Variants in PARP10 observed in about 807,000 individuals in gnomAD.
PARP10 encodes protein mono-ADP-ribosyltransferase PARP10.
In PARP10, 56 loss-of-function variants were observed where a neutral mutation model predicts 82.4. The ratio of observed to expected loss-of-function variants is 0.68; its 90% CI spans 0.55 to 0.85. PARP10 has a LOEUF of 0.85. Ranked by LOEUF, PARP10 falls within the 40% of genes least tolerant of loss-of-function variation. The pLI is 0.00. For missense variants in PARP10, 1,227 were observed against 1,379.4 expected (o/e 0.89, Z 1.75); for synonymous variants, 576 against 601.1 (o/e 0.96, Z 0.61).
At chr8:143,989,047 C>G (rs1021604045), upstream of PARP10, 1 of 152,304 alleles carries the variant, frequency 6.6e-6, no homozygotes, top group Admixed American at 6.5e-5. The surrounding 1 kb of genome is among the most constrained non-coding windows in gnomAD (Gnocchi z 4.3). Flanking sequence ...ATTCACACCA[C>G]GCGCATGTGC....
chr8:143,985,921 C>A lies in PARP10; in HGVS notation c.236G>T (p.Ser79Ile). Residue 79 changes from serine (S) to isoleucine (I), a missense_variant, in exon 3 of 11, where the codon AGC becomes ATC. Transcript: ENST00000313028. ...GGCTCGTGGTGGAGCTGGCCGCAGG[C>A]TCAGCTGGGCACCATGTAGTTCGTG... ...ADHELHGAQLSLRPAPPRAPA... is the reference protein window; with the variant it reads ...ADHELHGAQLILRPAPPRAPA... 2 of 1,578,854 alleles carry A rather than the reference C, an allele frequency of 1.3e-6. No individual in the cohort carries two copies. The highest frequency in any genetic ancestry group is 1.3e-5 in the African/African-American group (1 of 74,344).
intron 1 of PARP10, among the ~76,000 whole-genome samples, chr8:143,996,187 A>G (rs555869340): frequency 6.6e-6 from 1 of 152,358 alleles, no homozygotes; most frequent in Non-Finnish European, 1.5e-5. Context: ...GGGGCTTCAC[A>G]AGGAGCACTG....
At chr8:143,984,175 GA>G in intron 6 of PARP10, 34 bp downstream of exon 6, 2 of 1,568,416 alleles carry the variant, frequency 1.3e-6, no homozygotes, top group Non-Finnish European at 1.7e-6. Flanking sequence ...AGAGGCGTGA[GA>G]AAGGGGAGGG....
chr8:143,980,774 T>C (rs1833833272), intron 9 of PARP10, among the ~76,000 whole-genome samples: 1 of 152,120 alleles, frequency 6.6e-6, no homozygotes, highest in African/African-American at 2.4e-5. Flanking sequence ...CTAGAACATC[T>C]TTTTTACAGA....
chr8:143,978,021 G>A lies in PARP10; in HGVS notation c.2617C>T (p.Leu873=). The A allele has an allele frequency of 1.1e-5, 18 of 1,584,934 alleles. No homozygotes were observed. Among genetic ancestry groups the A allele is most frequent in the Non-Finnish European group, 1.5e-5 (18 of 1,172,076 alleles). The change falls in exon 10 of 11, where the codon CTG becomes TTG. Residue 873 remains leucine (L), a synonymous_variant. Transcript: ENST00000313028. ...ACCGGGCGCCGCTCGCATCGCTGCA[G>A]CAGGCGCTCCCGGTACAGCTCATAC... The part of the protein sequence containing the change: ...QQYELYRERL[L]QRCERRPVEQ...
chr8:144,004,505 C>T (rs1411281407), intron 1 of PARP10, among the ~76,000 whole-genome samples: 1 of 152,174 alleles, frequency 6.6e-6, no homozygotes, highest in Non-Finnish European at 1.5e-5. Context: ...GAAGTAGCCC[C>T]ACCTCCCGGT....
Position 143,985,078 on chromosome 8 carries a change from CAGAG to C in PARP10, c.920_923del (p.Ser307Ter). ...TACCCTGCACCATGGGACCTGTCCT[CAGAG>C]AGGCCCCTGACTGCCCTGGTTCCTC... On this transcript the variant is annotated frameshift_variant, in exon 5 of 11. Transcript: ENST00000313028. LOFTEE classifies it high-confidence loss of function. The C allele has an allele frequency of 5.6e-6, 9 of 1,613,950 alleles. No homozygotes were observed. Among genetic ancestry groups the C allele is most frequent in the Non-Finnish European group, 7.6e-6 (9 of 1,179,976 alleles).
upstream of PARP10, chr8:143,992,129 C>A (rs782309962): frequency 6.2e-7 from 1 of 1,602,472 alleles, no homozygotes; most frequent in South Asian, 1.1e-5. Context: ...TGCAGTCCCA[C>A]ACGCCCACTC....
chr8:144,006,341 T>C (rs1554752079), intron 1 of PARP10, among the ~76,000 whole-genome samples: 1 of 152,250 alleles, frequency 6.6e-6, no homozygotes, highest in African/African-American at 2.4e-5. Flanking sequence ...GGAGGGACGT[T>C]ATCCCCACTC....
upstream of PARP10, chr8:143,993,257 A>G (rs1178802028): frequency 1.4e-5 from 2 of 146,228 alleles, no homozygotes; most frequent in Admixed American, 7.6e-5. Flanking sequence ...CCTCCCCCCC[A>G]CCCCCCTGGA....
At position 143,986,241 on chromosome 8, in the gene PARP10, G is replaced by T. The variant is rs371928553; in HGVS notation, c.3-8C>A. 2.5e-6 allele frequency: 4 copies of T among 1,613,700 alleles called. No individual in the cohort carries two copies. In the African/African-American group the frequency reaches 4.0e-5, roughly 16 times the overall value. ...GCCTCCGCCATTGCAACCCTGGGAC[G>T]GGGCATCAGGTGGGTAGGGAAACAG... On this transcript the variant is annotated splice_region_variant and splice_polypyrimidine_tract_variant and intron_variant, in intron 1 of 10. Coordinates refer to ENST00000313028, the MANE Select transcript of PARP10 (RefSeq NM_032789.5).
chr8:143,992,131 C>A (rs756808596), upstream of PARP10: 1 of 1,599,628 alleles, frequency 6.3e-7, no homozygotes, highest in Non-Finnish European at 8.6e-7. Flanking sequence ...CAGTCCCACA[C>A]GCCCACTCTT....
chr8:143,995,648 G>A (rs1587471922), upstream of PARP10, among the ~76,000 whole-genome samples: 4 of 152,260 alleles, frequency 2.6e-5, no homozygotes, highest in Middle Eastern at 0.014. Flanking sequence ...GTAGGCCTCA[G>A]TGTTGCTAGG....
At chr8:143,982,124 G>A (rs1050362491) in intron 9 of PARP10, among the ~76,000 whole-genome samples, 2 of 152,124 alleles carry the variant, frequency 1.3e-5, no homozygotes, top group African/African-American at 4.8e-5. Flanking sequence ...GCTCCTGGTG[G>A]AGGGTGATGC....
At position 144,012,023 on chromosome 8, in the gene PARP10, T is replaced by C. The variant is rs1463534245; in HGVS notation, c.-80+507A>G. ...TTTCATTCAACAAATATTTACTGTT[T>C]ACCTACAAACATTGTGCCAAGCCCT... On this transcript the variant is annotated intron_variant, in intron 1 of 3. Transcript: ENST00000530478. Among the ~76,000 whole-genome samples, 3 of 152,200 alleles carry C rather than the reference T, an allele frequency of 2.0e-5. No individual in the cohort carries two copies. The East Asian group carries it at 5.8e-4, about 29-fold the overall frequency.
At chr8:143,992,673 A>T (rs560652199), upstream of PARP10, 2 of 1,613,848 alleles carry the variant, frequency 1.2e-6, no homozygotes, top group African/African-American at 2.7e-5. Context: ...CCTCAACACC[A>T]CTGTGCTGTC....
At chr8:143,991,636 G>A (rs1291598636), upstream of PARP10, 42 of 1,594,306 alleles carry the variant, frequency 2.6e-5, no homozygotes, top group Non-Finnish European at 3.5e-5. Context: ...GGGGTGGCCG[G>A]GAGGGCAGGG....
chr8:143,992,904 C>T (rs543529318), upstream of PARP10: 2,225 of 1,452,972 alleles, frequency 1.5e-3, 1 homozygote, highest in Non-Finnish European at 2.0e-3. Context: ...GCCCCTGGCA[C>T]GGCAGTGCCA....
At chr8:143,983,936 G>T in intron 7 of PARP10, 72 bp downstream of exon 7, 1 of 1,472,004 alleles carries the variant, frequency 6.8e-7, no homozygotes, top group Non-Finnish European at 9.1e-7. Context: ...ACAGATGGGA[G>T]CACAGAGCAG....
Sources: allele counts gnomAD v4.1 joint callset (sites outside exome capture counted in the v4.1 genomes callset), GRCh38; gene constraint gnomAD v4.1.1; non-coding constraint Gnocchi (gnomAD v3.1); transcripts MANE v1.5; gene names NCBI Gene and HGNC (gene_info 2026-07-23, HGNC 2026-07-21).